ZNF396: variants seen among roughly 807,000 people sequenced by gnomAD.
The protein encoded by ZNF396 is zinc finger protein 396.
ZNF396 carries 14 observed loss-of-function variants against 20.5 expected under a neutral mutation model. The ratio of observed to expected loss-of-function variants is 0.68; its 90% confidence interval spans 0.45 to 1.07. The LOEUF (loss-of-function observed/expected upper bound fraction) is 1.07, where lower values mean the gene tolerates loss of function less well. Among genes scored for constraint, ZNF396 ranks in the 50% least tolerant of loss-of-function variants. The pLI is 0.00. For missense variants in ZNF396, 347 were observed against 390.1 expected, an observed-to-expected ratio of 0.89 and a Z score of 0.93; for synonymous variants, 119 against 140.6, an observed-to-expected ratio of 0.85 and a Z score of 1.08.
chr18:35,369,706 C>T (rs1277009523), intron 3 of ZNF396, 46 bp from the exon 4 acceptor site: 1 of 1,514,694 alleles, frequency 6.6e-7, no homozygotes, highest in Non-Finnish European at 8.9e-7. Context: ...AAGGATGATC[C>T]AAATGAAATA....
intron 3 of ZNF396, 51 bp downstream of exon 3, chr18:35,373,405 G>T: frequency 6.3e-7 from 1 of 1,585,052 alleles, no homozygotes. Flanking sequence ...TGTGTGTGGT[G>T]AGCAGAGGGC....
At position 35,373,795 on chromosome 18, in the gene ZNF396, A is replaced by G. The variant is rs1210265155; in HGVS notation, c.417+81T>C. On this transcript the variant is annotated intron_variant, in intron 2 of 3. Transcript: ENST00000589332. ...ATCCAGTTGTGCTGAGTGGGAATAC[A>G]GTTTGAGAGCTCTACTCCCAATGAT... is the stretch of plus-strand genomic sequence containing the variant. 3.3e-6 allele frequency: 5 copies of G among 1,533,942 alleles called. No individual in the cohort carries two copies. The East Asian group carries it at 9.0e-5, about 28-fold the overall frequency.
Position 35,373,756 on chromosome 18 carries a change from T to A in ZNF396, c.417+120A>T, listed in dbSNP as rs1378161372. On this transcript the variant is annotated intron_variant, in intron 2 of 3. Transcript: ENST00000589332. ...TATTTGCTGGGACACCCATTAGTAC[T>A]TTCACCCCTATACATCCAGTTGTGC... 3.3e-6 allele frequency: 5 copies of A among 1,497,412 alleles called. No homozygotes were observed. In the Admixed American group the frequency reaches 8.2e-5, roughly 25 times the overall value. The allele number at this position is 1,497,412 out of a possible 1,614,324, so 92.8% of individuals were successfully genotyped here. A position where few individuals can be genotyped will look rare whatever the true frequency, so the allele number is the denominator to read the frequency against.
At chr18:35,373,624 T>C in intron 2 of ZNF396, 24 bp from the exon 3 acceptor site, 1 of 1,611,784 alleles carries the variant, frequency 6.2e-7, no homozygotes, top group South Asian at 1.1e-5. Context: ...TAATTGAGGC[T>C]GAAGAACACC....
intron 1 of ZNF396, among the ~76,000 whole-genome samples, chr18:35,376,905 C>A (rs1275455460): frequency 1.3e-5 from 2 of 152,174 alleles, no homozygotes; most frequent in Non-Finnish European, 2.9e-5. Flanking sequence ...CGGCTCTACC[C>A]TGCTGTGGTG....
intron 3 of ZNF396, among the ~76,000 whole-genome samples, chr18:35,371,546 A>G (rs2045180549): frequency 6.6e-6 from 1 of 152,166 alleles, no homozygotes; most frequent in Non-Finnish European, 1.5e-5. Context: ...CCCTCTGAAG[A>G]GTCCTGAGGC....
At chr18:35,373,818 G>A (rs1180377708) in intron 2 of ZNF396, 58 bp downstream of exon 2, 1 of 1,558,886 alleles carries the variant, frequency 6.4e-7, no homozygotes, top group East Asian at 2.3e-5. Context: ...TACTCCCAAT[G>A]ATGTGCCAGT....
At chr18:35,370,415 C>T (rs1279065964) in intron 3 of ZNF396, among the ~76,000 whole-genome samples, 1 of 151,706 alleles carries the variant, frequency 6.6e-6, no homozygotes, top group Non-Finnish European at 1.5e-5. Context: ...GCCTAAAGCT[C>T]CAGCAGAACT....
At chr18:35,375,771 C>T (rs550644648) in intron 1 of ZNF396, among the ~76,000 whole-genome samples, 1 of 152,112 alleles carries the variant, frequency 6.6e-6, no homozygotes, top group Non-Finnish European at 1.5e-5. Context: ...GAGACAGAGT[C>T]TGGCCCTGTT....
intron 1 of ZNF396, among the ~76,000 whole-genome samples, chr18:35,375,904 G>A (rs867487814): frequency 1.3e-5 from 2 of 152,016 alleles, no homozygotes; most frequent in Non-Finnish European, 2.9e-5. Context: ...CACCACGCCC[G>A]GCTAATTTTT....
rs541786879 is a variant in ZNF396 at position 35,368,651 on chromosome 18, C to G, written c.*564G>C. ...AATTTTAGTAGAGACGGGGTTTCGC[C>G]GTGTTGTCCAGGCTGGTCTTGAACT... On this transcript the variant is annotated 3_prime_UTR_variant, in exon 4 of 4. Transcript: ENST00000589332. The G allele has an allele frequency of 7.4e-6, 5 of 679,116 alleles. No individual in the cohort carries two copies. Among genetic ancestry groups the G allele is most frequent in the African/African-American group, 3.9e-5 (2 of 51,272 alleles). The allele number at this position is 679,116 out of a possible 1,614,324, so 42.1% of individuals were successfully genotyped here. A position where few individuals can be genotyped will look rare whatever the true frequency, so the allele number is the denominator to read the frequency against.
rs2045117014 is a variant in ZNF396, at chr18:35,367,989, G to T, written c.*1226C>A. 1 of 155,874 alleles carries T rather than the reference G, an allele frequency of 6.4e-6. No homozygotes were observed. Among genetic ancestry groups the T allele is most frequent in the South Asian group, 2.1e-4 (1 of 4,868 alleles). 9.7% of individuals were successfully genotyped at this position (155,874 alleles called of 1,614,324 possible). ...TATGCCAGAAAAGGGGACACTGAAA[G>T]TATTGTCATCAGCAGTTACGGGCTT... On this transcript the variant is annotated 3_prime_UTR_variant, in exon 4 of 4. Transcript: ENST00000589332.
At chr18:35,375,640 G>T (rs2045246400) in intron 1 of ZNF396, among the ~76,000 whole-genome samples, 1 of 151,508 alleles carries the variant, frequency 6.6e-6, no homozygotes, top group Non-Finnish European at 1.5e-5. Context: ...ATTTCTTCAA[G>T]TATTATTAGC....
rs912340816 is a variant in ZNF396 at position 35,374,261 on chromosome 18, A to C, written c.32T>G (p.Leu11Arg). 6.2e-7 allele frequency: 1 copy of C among 1,613,922 alleles called. No individual in the cohort carries two copies. Among genetic ancestry groups the C allele is most frequent in the Non-Finnish European group, 8.5e-7 (1 of 1,180,020 alleles). The change falls in exon 2 of 4, where the codon CTC becomes CGC. Residue 11 changes from leucine to arginine, a missense_variant. Leu to Arg is a moderately radical substitution (Grantham distance 102). Transcript: ENST00000589332. The surrounding 1 kb of genome is among the most constrained non-coding windows in gnomAD (Gnocchi z 4.3). MSAKLGKSSS[L>R]LTQTSEECNG... ...ACACTCCTCTGAAGTTTGTGTTAGGAGTGATGATGACTTTCCCAATTTTGC... is the reference window on the plus strand; with the variant it reads ...ACACTCCTCTGAAGTTTGTGTTAGGCGTGATGATGACTTTCCCAATTTTGC...
chr18:35,370,686 G>T lies in ZNF396; in HGVS notation c.563-1026C>A, dbSNP rs372349278. On this transcript the variant is annotated intron_variant, in intron 3 of 3. Coordinates refer to ENST00000589332, the MANE Select transcript of ZNF396 (RefSeq NM_001322286.2). Reference sequence around the variant, plus strand: ...CGCCACTACGCCCGGCTAATTTTTTGTATTTTTTAGTAGAGACGGGGTTTC... The same window carrying T: ...CGCCACTACGCCCGGCTAATTTTTTTTATTTTTTAGTAGAGACGGGGTTTC... 5.7e-4 allele frequency among the ~76,000 whole-genome samples: 86 copies of T among 150,822 alleles called. No homozygotes were observed. In the East Asian group the frequency reaches 0.016, roughly 28 times the overall value.
intron 3 of ZNF396, among the ~76,000 whole-genome samples, chr18:35,371,178 T>G (rs937944722): frequency 6.6e-6 from 1 of 152,190 alleles, no homozygotes; most frequent in Non-Finnish European, 1.5e-5. Context: ...CTCCTTAGAA[T>G]CACCCAACAT....
At chr18:35,376,183 C>A (rs1003734674) in intron 1 of ZNF396, 11 of 152,218 alleles carry the variant, frequency 7.2e-5, no homozygotes, top group Admixed American at 7.2e-4. Flanking sequence ...TTTCTCACTT[C>A]ACCAAGTATT....
At position 35,369,606 on chromosome 18, in the gene ZNF396, A is replaced by G. The variant is rs754951042; in HGVS notation, c.617T>C (p.Leu206Ser). 1 of 1,611,140 alleles carries G rather than the reference A, an allele frequency of 6.2e-7. No individual in the cohort carries two copies. ...AACATTGCAATGCAGTTCTATGCCT[A>G]AAGAAGTCTTTTGCCTTGAAGCAGA... is the stretch of plus-strand genomic sequence containing the variant. ...VKSASRQKTS[L>S]GIELHCNVSN... Residue 206 changes from leucine to serine, a missense_variant, in exon 4 of 4, where the codon TTA (leucine) becomes TCA (serine). Transcript: ENST00000589332.
In ZNF396 at chr18:35,368,671, T is replaced by C; in HGVS notation, c.*544A>G. On this transcript the variant is annotated 3_prime_UTR_variant, in exon 4 of 4. Transcript: ENST00000589332. ...TTCGCCGTGTTGTCCAGGCTGGTCT[T>C]GAACTCCTGAGTTCAGGCAATCTGC... 1.2e-6 allele frequency: 1 copy of C among 838,392 alleles called. No individual in the cohort carries two copies. Among genetic ancestry groups the C allele is most frequent in the Non-Finnish European group, 1.4e-6 (1 of 694,734 alleles). The allele number at this position is 838,392 out of a possible 1,614,324, so 51.9% of individuals were successfully genotyped here.
Sources: gnomAD v4.1 joint callset for allele counts (sites outside exome capture counted in the v4.1 genomes callset) on GRCh38, gnomAD v4.1.1 for gene constraint, Gnocchi (gnomAD v3.1) non-coding constraint, MANE v1.5 for transcripts, NCBI Gene and HGNC (gene_info 2026-07-23, HGNC 2026-07-21) for gene names.